Variants in MAD1L1 observed in about 807,000 individuals in gnomAD.
The protein encoded by MAD1L1 is mitotic arrest deficient 1 like 1.
A neutral mutation model predicts 96.9 loss-of-function variants in MAD1L1; 95 were observed. The observed-to-expected ratio is 0.98, with a 90% CI of 0.83 to 1.16. The LOEUF (loss-of-function observed/expected upper bound fraction) is 1.16. Among genes scored for constraint, MAD1L1 ranks in the 50% most tolerant of loss-of-function variants. The pLI, the probability that MAD1L1 is intolerant of heterozygous loss-of-function variation, is 0.00. For synonymous variants in MAD1L1, 473 were observed against 396.6 expected, an observed-to-expected ratio of 1.19 and a Z score of -2.29; for missense variants, 1,007 against 954.4, an observed-to-expected ratio of 1.06 and a Z score of -0.73.
chr7:2,067,933 A>C (rs1274179130), intron 12 of MAD1L1, among the ~76,000 whole-genome samples: 2 of 152,118 alleles, frequency 1.3e-5, no homozygotes, highest in Non-Finnish European at 2.9e-5. Context: ...CTGTGCCCAC[A>C]CATCCACGCC....
intron 11 of MAD1L1, among the ~76,000 whole-genome samples, chr7:2,072,118 C>A (rs553430066): frequency 6.6e-6 from 1 of 152,222 alleles, no homozygotes; most frequent in Non-Finnish European, 1.5e-5. Context: ...AGCACACCTG[C>A]GGCTCGCGAC....
In MAD1L1 at chr7:1,898,343, T is replaced by G. The variant is rs762322448; in HGVS notation, c.1855A>C (p.Lys619Gln). ...ESAELKNQRL[K>Q]EVFQTKIQEF... Reference sequence around the variant, plus strand: ...TGGATCTTGGTCTGGAAAACCTCCTTGAGCCGCTGGTTCTTCAGCTCGGCA... The same window carrying G: ...TGGATCTTGGTCTGGAAAACCTCCTGGAGCCGCTGGTTCTTCAGCTCGGCA... Residue 619 changes from lysine (K) to glutamine (Q), a missense_variant, in exon 18 of 19, where the codon AAG becomes CAG. Coordinates refer to ENST00000265854, the MANE Select transcript of MAD1L1 (RefSeq NM_001013836.2). 3.7e-6 allele frequency: 6 copies of G among 1,613,984 alleles called. No individual in the cohort carries two copies. The Admixed American group carries it at 8.3e-5, about 22-fold the overall frequency.
intron 14 of MAD1L1, among the ~76,000 whole-genome samples, chr7:2,001,492 C>G (rs569500639): frequency 1.2e-4 from 18 of 152,372 alleles, no homozygotes; most frequent in African/African-American, 4.1e-4. Flanking sequence ...ACACTGCGGG[C>G]CCCCCACCCA....
At chr7:1,882,023 G>A (rs1785711172) in intron 18 of MAD1L1, among the ~76,000 whole-genome samples, 1 of 152,166 alleles carries the variant, frequency 6.6e-6, no homozygotes, top group African/African-American at 2.4e-5. Context: ...CTCTCTAAGG[G>A]ACCGAGAATC....
intron 12 of MAD1L1, among the ~76,000 whole-genome samples, chr7:2,048,566 T>A (rs1336614134): frequency 6.6e-6 from 1 of 152,174 alleles, no homozygotes; most frequent in Non-Finnish European, 1.5e-5. Flanking sequence ...GTAATAAGCA[T>A]CAACCACACT....
intron 13 of MAD1L1, among the ~76,000 whole-genome samples, chr7:2,012,661 G>C (rs969868290): frequency 5.9e-5 from 9 of 152,314 alleles, no homozygotes; most frequent in African/African-American, 1.9e-4. Flanking sequence ...CAGTGCCTGA[G>C]GGTGGTCTCA....
chr7:1,889,732 G>T (rs929859781), intron 18 of MAD1L1, among the ~76,000 whole-genome samples: 2 of 152,258 alleles, frequency 1.3e-5, no homozygotes, highest in Admixed American at 6.5e-5. Flanking sequence ...CCCTCTGCAG[G>T]CCGGATGCTG....
rs999227131 is a variant in MAD1L1, at chr7:2,176,038, C to T, written c.987-26800G>A. ...CCATCCTGTCTGCATTGTACATTTT[C>T]TTTAATTAAATACGAGTCTAAGGAT... On this transcript the variant is annotated intron_variant, in intron 10 of 18. Transcript: ENST00000265854. Among the ~76,000 whole-genome samples the T allele has an allele frequency of 1.4e-4, 22 of 152,312 alleles. No homozygotes were observed. In the East Asian group the frequency reaches 4.2e-3, roughly 29 times the overall value.
intron 16 of MAD1L1, among the ~76,000 whole-genome samples, chr7:1,949,634 C>A (rs980169514): frequency 6.6e-6 from 1 of 152,256 alleles, no homozygotes; most frequent in Non-Finnish European, 1.5e-5. Flanking sequence ...TGAAACCCCA[C>A]AGGCACCGGC....
intron 16 of MAD1L1, among the ~76,000 whole-genome samples, chr7:1,952,197 T>C (rs1779529006): frequency 6.6e-6 from 1 of 152,216 alleles, no homozygotes; most frequent in Admixed American, 6.5e-5. Flanking sequence ...CATTCCTGGT[T>C]TCCCACACAC....
intron 10 of MAD1L1, among the ~76,000 whole-genome samples, chr7:2,199,082 A>C (rs1291594507): frequency 1.3e-5 from 2 of 152,194 alleles, no homozygotes; most frequent in Admixed American, 6.5e-5. Flanking sequence ...GGCCTGTATG[A>C]TGCCAGCCTG....
At chr7:2,084,873 T>C (rs1341845263) in intron 11 of MAD1L1, among the ~76,000 whole-genome samples, 1 of 152,200 alleles carries the variant, frequency 6.6e-6, no homozygotes, top group African/African-American at 2.4e-5. Flanking sequence ...CCTGCGACTC[T>C]GTAGCCTTGT....
At chr7:2,145,444 C>T (rs1369990906) in intron 11 of MAD1L1, among the ~76,000 whole-genome samples, 1 of 152,250 alleles carries the variant, frequency 6.6e-6, no homozygotes, top group Non-Finnish European at 1.5e-5. Context: ...GTCCTAAGAG[C>T]GCAGAAACAT....
At chr7:2,152,595 C>T (rs532744684) in intron 10 of MAD1L1, among the ~76,000 whole-genome samples, 1 of 152,230 alleles carries the variant, frequency 6.6e-6, no homozygotes, top group African/African-American at 2.4e-5. Context: ...AGAGGGAAGG[C>T]CAGGACATCC....
chr7:2,094,130 C>T (rs1325369819), intron 11 of MAD1L1, among the ~76,000 whole-genome samples: 1 of 152,216 alleles, frequency 6.6e-6, no homozygotes. Context: ...AAACTCACAG[C>T]CCTTGCTGAG....
At chr7:2,007,476 G>A (rs1782084573) in intron 13 of MAD1L1, among the ~76,000 whole-genome samples, 1 of 151,284 alleles carries the variant, frequency 6.6e-6, no homozygotes, top group South Asian at 2.1e-4. Flanking sequence ...GAAGTCAGGA[G>A]TTTGAGACCA....
intron 11 of MAD1L1, among the ~76,000 whole-genome samples, chr7:2,148,179 T>C (rs761737371): frequency 1.1e-4 from 17 of 152,154 alleles, no homozygotes; most frequent in Non-Finnish European, 1.8e-4. Flanking sequence ...GCCCCCAAAA[T>C]AAGAAACCTC....
intron 12 of MAD1L1, among the ~76,000 whole-genome samples, chr7:2,068,288 C>A (rs1313656081): frequency 6.6e-6 from 1 of 152,226 alleles, no homozygotes; most frequent in Non-Finnish European, 1.5e-5. Context: ...CTTTAGGAGA[C>A]AGCATGGAGC....
chr7:2,210,297 C>T (rs546268046), intron 10 of MAD1L1, among the ~76,000 whole-genome samples: 21 of 152,160 alleles, frequency 1.4e-4, no homozygotes, highest in Admixed American at 1.3e-3. Context: ...TCTCAAACAT[C>T]TAGGCTCGAG....
Sources: gnomAD v4.1 joint callset for allele counts (sites outside exome capture counted in the v4.1 genomes callset) on GRCh38, gnomAD v4.1.1 for gene constraint, MANE v1.5 for transcripts, NCBI Gene and HGNC (gene_info 2026-07-23, HGNC 2026-07-21) for gene names.